The following CPNE4 variants were observed in gnomAD, a reference collection of about 807,000 sequenced individuals.
CPNE4 encodes copine 4, also known as copine-4.
A neutral mutation model predicts 67.9 loss-of-function variants in CPNE4; 25 were observed. That is an observed-to-expected ratio of 0.37 (90% confidence interval 0.27 to 0.51). CPNE4 has a LOEUF of 0.51. Among genes scored for constraint, CPNE4 ranks in the 20% least tolerant of loss-of-function variants. The probability of loss-of-function intolerance (pLI) is 0.93; values close to 1 mark genes in which losing one functional copy is unlikely to be tolerated. For synonymous variants in CPNE4, 242 were observed against 244.9 expected, an observed-to-expected ratio of 0.99 and a Z score of 0.11; for missense variants, 464 against 690.8, an observed-to-expected ratio of 0.67 and a Z score of 3.68.
intron 2 of CPNE4, among the ~76,000 whole-genome samples, chr3:131,871,666 G>T (rs187519830): frequency 6.6e-6 from 1 of 152,098 alleles, no homozygotes; most frequent in Non-Finnish European, 1.5e-5. Context: ...CAGTCTGACC[G>T]ATACCAACTT....
intron 2 of CPNE4, among the ~76,000 whole-genome samples, chr3:131,870,283 T>C (rs2087140943): frequency 6.6e-6 from 1 of 152,184 alleles, no homozygotes; most frequent in Non-Finnish European, 1.5e-5. Flanking sequence ...ATCTAATTTT[T>C]GCCACACACT....
intron 6 of CPNE4, among the ~76,000 whole-genome samples, chr3:131,675,701 T>G (rs1708226577): frequency 6.6e-6 from 1 of 152,084 alleles, no homozygotes; most frequent in South Asian, 2.1e-4. Flanking sequence ...TCTTTATAGG[T>G]AAAGTGTATT....
intron 2 of CPNE4, among the ~76,000 whole-genome samples, chr3:131,809,597 T>C (rs1260046986): frequency 1.3e-5 from 2 of 152,056 alleles, no homozygotes; most frequent in East Asian, 3.8e-4. Context: ...TGGTAATAAA[T>C]ATTAGATAAG....
intron 7 of CPNE4, among the ~76,000 whole-genome samples, chr3:131,647,114 TGGCCAGGCAGAAGGTTC>T (rs1467680505): frequency 6.6e-6 from 1 of 152,220 alleles, no homozygotes; most frequent in African/African-American, 2.4e-5. Context: ...GATACTGCTT[TGGCCAGGCAGAAGGTTC>T]TATATTGCAA....
In CPNE4 at chr3:131,958,600, C is replaced by CTTTCT. The variant is rs1487448799; in HGVS notation, c.-1-53161_-1-53157dup. Among the ~76,000 whole-genome samples, 61 of 57,592 alleles carry CTTTCT rather than the reference C, an allele frequency of 1.1e-3. 11 individuals carry two copies. The highest frequency in any genetic ancestry group is 2.4e-3 in the South Asian group (4 of 1,678). 37.8% of individuals were successfully genotyped at this position (57,592 alleles called of 152,430 possible). On this transcript the variant is annotated intron_variant, in intron 1 of 15. Transcript: ENST00000429747. ...GACCTTTGGCAATTGATACACCTTT[C>CTTTCT]TTTCTTTTCTTTTTTTTTTTTTTTT...
intron 11 of CPNE4, among the ~76,000 whole-genome samples, chr3:131,556,251 G>A (rs1390510882): frequency 6.6e-6 from 1 of 152,022 alleles, no homozygotes; most frequent in Non-Finnish European, 1.5e-5. Context: ...GTGCACTCCT[G>A]TAATCCCAGC....
intron 15 of CPNE4, chr3:131,539,047 A>C (rs1174515196): frequency 6.6e-6 from 1 of 152,240 alleles, no homozygotes; most frequent in East Asian, 1.9e-4. Flanking sequence ...GCAGAAAAAG[A>C]GAGGCAATTC....
intron 2 of CPNE4, among the ~76,000 whole-genome samples, chr3:131,889,834 C>T (rs68121527): frequency 0.072 from 10,963 of 152,166 alleles, 408 homozygotes; most frequent in East Asian, 0.1. Context: ...CAAGGACACA[C>T]AATGGAGAAG....
At chr3:131,543,929 C>G (rs1467437023) in intron 14 of CPNE4, among the ~76,000 whole-genome samples, 1 of 152,190 alleles carries the variant, frequency 6.6e-6, no homozygotes, top group African/African-American at 2.4e-5. Context: ...CCCTTTCCAT[C>G]TGGAAAGCTG....
At chr3:131,942,024 T>C (rs952525341) in intron 1 of CPNE4, among the ~76,000 whole-genome samples, 12 of 152,072 alleles carry the variant, frequency 7.9e-5, no homozygotes, top group African/African-American at 4.8e-5. Flanking sequence ...AATGTTGTTA[T>C]TGCAATGAAT....
intron 1 of CPNE4, among the ~76,000 whole-genome samples, chr3:131,911,930 G>C (rs1290109614): frequency 6.6e-6 from 1 of 152,096 alleles, no homozygotes; most frequent in Admixed American, 6.6e-5. Flanking sequence ...ACTGCTGAAA[G>C]GTGATCACAA....
At chr3:131,894,547 G>A (rs1047088435) in intron 2 of CPNE4, among the ~76,000 whole-genome samples, 1 of 151,654 alleles carries the variant, frequency 6.6e-6, no homozygotes, top group Non-Finnish European at 1.5e-5. Context: ...ATTTAAAAAT[G>A]AACAAAGACT....
intron 12 of CPNE4, among the ~76,000 whole-genome samples, chr3:131,553,338 T>TCCTA (rs1409566873): frequency 6.6e-6 from 1 of 152,136 alleles, no homozygotes; most frequent in Non-Finnish European, 1.5e-5. Flanking sequence ...TCAGTGCTTA[T>TCCTA]CCTAGTCCCT....
At chr3:131,768,748 C>T (rs2083088581) in intron 2 of CPNE4, among the ~76,000 whole-genome samples, 1 of 152,076 alleles carries the variant, frequency 6.6e-6, no homozygotes, top group Admixed American at 6.6e-5. Flanking sequence ...CTCAATGCCA[C>T]ACTTCCCTGC....
intron 2 of CPNE4, among the ~76,000 whole-genome samples, chr3:131,844,901 C>A (rs1038385726): frequency 6.6e-6 from 1 of 152,172 alleles, no homozygotes; most frequent in Non-Finnish European, 1.5e-5. Context: ...ATTATGTACA[C>A]TACGCAAGAT....
chr3:131,946,259 A>C (rs1267649738), intron 1 of CPNE4, among the ~76,000 whole-genome samples: 3 of 152,188 alleles, frequency 2.0e-5, no homozygotes, highest in African/African-American at 7.2e-5. Flanking sequence ...TTTCATATTA[A>C]TGGAGTTATA....
intron 2 of CPNE4, among the ~76,000 whole-genome samples, chr3:131,849,810 C>G (rs1203113566): frequency 6.6e-6 from 1 of 152,108 alleles, no homozygotes; most frequent in Admixed American, 6.6e-5. Flanking sequence ...TGAAGGAGCC[C>G]AGCCTAAATC....
intron 5 of CPNE4, among the ~76,000 whole-genome samples, chr3:131,690,605 A>C (rs565353483): frequency 3.3e-4 from 50 of 152,330 alleles, no homozygotes; most frequent in African/African-American, 1.2e-3. Context: ...GAACATATGA[A>C]ATATCATTCT....
intron 7 of CPNE4, among the ~76,000 whole-genome samples, chr3:131,597,886 TGGGGCACAA>T: frequency 6.6e-6 from 1 of 152,314 alleles, no homozygotes; most frequent in East Asian, 1.9e-4. Flanking sequence ...AGCACAGTTT[TGGGGCACAA>T]GTAAGAACTC....
Sources: allele counts gnomAD v4.1 joint callset (sites outside exome capture counted in the v4.1 genomes callset), GRCh38; gene constraint gnomAD v4.1.1; transcripts MANE v1.5; gene names NCBI Gene and HGNC (gene_info 2026-07-23, HGNC 2026-07-21).